The following ST7L variants were observed in gnomAD, a reference collection of about 807,000 sequenced individuals.
ST7L encodes the protein suppression of tumorigenicity 7 like.
Under a neutral mutation model 72.5 loss-of-function variants are expected in ST7L, and 57 were observed. That is an observed-to-expected ratio of 0.79 (90% CI 0.64 to 0.98). ST7L has a LOEUF of 0.98. ST7L is among the 50% of genes least tolerant of loss of function. ST7L has a pLI of 0.00. For missense variants in ST7L, 576 were observed against 672.2 expected, an observed-to-expected ratio of 0.86 and a Z score of 1.58; for synonymous variants, 221 against 240.9, an observed-to-expected ratio of 0.92 and a Z score of 0.77.
At chr1:112,605,416 T>A (rs1668077149) in intron 3 of ST7L, among the ~76,000 whole-genome samples, 1 of 147,860 alleles carries the variant, frequency 6.8e-6, no homozygotes, top group African/African-American at 2.5e-5. Flanking sequence ...AGAGGCCAAG[T>A]GTGGTGGCTC....
At chr1:112,581,210 T>C (rs1242419096) in intron 9 of ST7L, among the ~76,000 whole-genome samples, 2 of 151,972 alleles carry the variant, frequency 1.3e-5, no homozygotes, top group Non-Finnish European at 2.9e-5. Flanking sequence ...TAGTATATAC[T>C]GCTAAGCAAC....
intron 14 of ST7L, among the ~76,000 whole-genome samples, chr1:112,538,726 G>C (rs184900452): frequency 2.6e-5 from 4 of 152,286 alleles, no homozygotes; most frequent in Non-Finnish European, 5.9e-5. Flanking sequence ...TGAGCTGACT[G>C]TTAGGACATA....
At chr1:112,541,811 G>A in intron 14 of ST7L, 140 bp downstream of exon 14, 1 of 1,377,506 alleles carries the variant, frequency 7.3e-7, no homozygotes, top group South Asian at 2.1e-5. Flanking sequence ...TGTATTTATG[G>A]CAGCAACTAT....
intron 6 of ST7L, among the ~76,000 whole-genome samples, chr1:112,588,576 C>G (rs1377208789): frequency 6.6e-6 from 1 of 152,156 alleles, no homozygotes; most frequent in Non-Finnish European, 1.5e-5. Flanking sequence ...TGGAGTATTA[C>G]ATTAATTGAT....
intron 11 of ST7L, among the ~76,000 whole-genome samples, chr1:112,571,921 C>T (rs1662212051): frequency 1.3e-5 from 2 of 152,176 alleles, no homozygotes. Context: ...AGAGGAATCA[C>T]TATATATGGG....
At chr1:112,582,232 A>C (rs1481397288) in intron 8 of ST7L, 126 bp from the exon 9 acceptor site, 5 of 882,810 alleles carry the variant, frequency 5.7e-6, no homozygotes, top group Non-Finnish European at 8.7e-6. Context: ...ACCCTTAAGA[A>C]AGGTACGTAT....
At chr1:112,526,145 C>A in intron 14 of ST7L, 34 bp from the exon 15 acceptor site, 3 of 1,613,534 alleles carry the variant, frequency 1.9e-6, no homozygotes, top group Non-Finnish European at 2.5e-6. Flanking sequence ...AATGTTCAAG[C>A]CCTGTAGGAG....
At chr1:112,602,916 C>T (rs183509911) in intron 3 of ST7L, among the ~76,000 whole-genome samples, 124 of 151,988 alleles carry the variant, frequency 8.2e-4, no homozygotes, top group African/African-American at 2.8e-3. Flanking sequence ...GACGGGGTTT[C>T]GCCATCTTAG....
chr1:112,589,277 C>T (rs988404274), intron 6 of ST7L, among the ~76,000 whole-genome samples: 1 of 151,920 alleles, frequency 6.6e-6, no homozygotes, highest in African/African-American at 2.4e-5. Flanking sequence ...TTTTTTGAGA[C>T]AGGGTCTCTT....
chr1:112,534,149 C>G (rs528595659), intron 14 of ST7L, among the ~76,000 whole-genome samples: 1 of 152,304 alleles, frequency 6.6e-6, no homozygotes, highest in South Asian at 2.1e-4. Context: ...TCATTTAAAA[C>G]TCTTCTCCAA....
intron 11 of ST7L, among the ~76,000 whole-genome samples, chr1:112,562,419 G>A (rs1000389606): frequency 6.6e-6 from 1 of 152,028 alleles, no homozygotes; most frequent in South Asian, 2.1e-4. Flanking sequence ...TTTGTTCAGA[G>A]GGAACTATGG....
At chr1:112,581,211 G>T (rs1013634004) in intron 9 of ST7L, among the ~76,000 whole-genome samples, 4 of 151,894 alleles carry the variant, frequency 2.6e-5, no homozygotes, top group Admixed American at 2.0e-4. Flanking sequence ...AGTATATACT[G>T]CTAAGCAACT....
intron 11 of ST7L, among the ~76,000 whole-genome samples, chr1:112,573,976 G>A (rs1234225428): frequency 2.1e-5 from 3 of 139,620 alleles, no homozygotes; most frequent in Non-Finnish European, 4.6e-5. Context: ...GTGCAGTGGT[G>A]CGATCTCGGC....
chr1:112,568,146 G>C (rs1308958405), intron 11 of ST7L, among the ~76,000 whole-genome samples: 3 of 152,068 alleles, frequency 2.0e-5, no homozygotes, highest in Non-Finnish European at 2.9e-5. Context: ...GCATGTGAAT[G>C]ATGTACCTAA....
intron 3 of ST7L, among the ~76,000 whole-genome samples, chr1:112,604,667 T>C (rs983935873): frequency 6.6e-6 from 1 of 151,070 alleles, no homozygotes; most frequent in Non-Finnish European, 1.5e-5. Context: ...ATGGCATTCC[T>C]GTACATGCCT....
chr1:112,584,513 A>G (rs1342966474), intron 6 of ST7L, among the ~76,000 whole-genome samples: 1 of 151,658 alleles, frequency 6.6e-6, no homozygotes, highest in Non-Finnish European at 1.5e-5. Context: ...TTGAGATGGA[A>G]TTTTGCTTTT....
intron 6 of ST7L, among the ~76,000 whole-genome samples, chr1:112,587,374 G>T (rs1665017852): frequency 6.6e-6 from 1 of 152,144 alleles, no homozygotes; most frequent in Non-Finnish European, 1.5e-5. Flanking sequence ...GGCTGAGGTG[G>T]GTGGATCACC....
At chr1:112,572,266 T>G (rs1395180335) in intron 11 of ST7L, among the ~76,000 whole-genome samples, 2 of 152,170 alleles carry the variant, frequency 1.3e-5, no homozygotes, top group East Asian at 3.8e-4. Context: ...GACCCTAGGA[T>G]TTTTGGAATG....
chr1:112,610,649 C>T, intron 3 of ST7L, 192 bp downstream of exon 3: 1 of 604,472 alleles, frequency 1.7e-6, no homozygotes, highest in Non-Finnish European at 2.7e-6. Context: ...CATCACATCC[C>T]TGAGGGCACT....
Sources: gnomAD v4.1 joint callset for allele counts (sites outside exome capture counted in the v4.1 genomes callset) on GRCh38, gnomAD v4.1.1 for gene constraint, MANE v1.5 for transcripts, NCBI Gene and HGNC (gene_info 2026-07-23, HGNC 2026-07-21) for gene names.